Variants in UHRF2 observed in about 807,000 individuals in gnomAD.
UHRF2 encodes E3 ubiquitin-protein ligase UHRF2.
UHRF2 carries 23 observed loss-of-function variants against 96.8 expected under a neutral mutation model. The ratio of observed to expected loss-of-function variants is 0.24; its 90% confidence interval spans 0.17 to 0.34. The LOEUF is 0.34. Ranked by LOEUF, UHRF2 falls within the 10% of genes least tolerant of loss-of-function variation. UHRF2 has a pLI of 1.00. For synonymous variants in UHRF2, 385 were observed against 332.6 expected, an observed-to-expected ratio of 1.16 and a Z score of -1.72; for missense variants, 685 against 981.5, an observed-to-expected ratio of 0.70 and a Z score of 4.04.
At chr9:6,473,499 G>A (rs963876934) in intron 4 of UHRF2, among the ~76,000 whole-genome samples, 2 of 152,138 alleles carry the variant, frequency 1.3e-5, no homozygotes, top group Non-Finnish European at 2.9e-5. Context: ...AATCCCCAAA[G>A]AATTAATGTA....
intron 2 of UHRF2, chr9:6,422,632 C>T (rs1396814869): frequency 3.3e-5 from 21 of 635,694 alleles, no homozygotes; most frequent in Non-Finnish European, 5.6e-5. Context: ...TTTTTTGAGA[C>T]AGGGTCTGGC....
At chr9:6,497,507 G>C (rs949662682) in intron 11 of UHRF2, 147 bp downstream of exon 11, 35 of 877,918 alleles carry the variant, frequency 4.0e-5, no homozygotes, top group Non-Finnish European at 6.0e-5. Flanking sequence ...GATGCATAAA[G>C]CAAACTCTTA....
At chr9:6,456,232 C>A (rs1265420728) in intron 3 of UHRF2, among the ~76,000 whole-genome samples, 1 of 152,134 alleles carries the variant, frequency 6.6e-6, no homozygotes, top group Non-Finnish European at 1.5e-5. Context: ...GCCATTCTAA[C>A]TGGCGTGATA....
intron 12 of UHRF2, chr9:6,498,918 C>G (rs897830699): frequency 6.6e-6 from 1 of 152,234 alleles, no homozygotes; most frequent in African/African-American, 2.4e-5. Flanking sequence ...GTCTGACCAC[C>G]CAGGCAGGTG....
At chr9:6,423,229 T>G (rs2130729928) in intron 2 of UHRF2, among the ~76,000 whole-genome samples, 1 of 152,310 alleles carries the variant, frequency 6.6e-6, no homozygotes, top group East Asian at 1.9e-4. Flanking sequence ...AGTACCAGGC[T>G]TGGATGGCTG....
At chr9:6,456,789 A>G (rs778214788) in intron 3 of UHRF2, among the ~76,000 whole-genome samples, 1 of 152,182 alleles carries the variant, frequency 6.6e-6, no homozygotes, top group Non-Finnish European at 1.5e-5. Context: ...TTAAATAGGG[A>G]ATCCTTTCCC....
rs564434278 is a variant in UHRF2 at position 6,468,523 on chromosome 9, C to T, written c.864-6868C>T. ...AGGTAGCTTTGTAGTTGTGTTTTGC[C>T]CCTAGGGAATCTGCTAATTCTGGAT... On this transcript the variant is annotated intron_variant, in intron 4 of 15. Coordinates refer to ENST00000276893, the MANE Select transcript of UHRF2 (RefSeq NM_152896.3). The T allele has an allele frequency of 1.2e-4, 55 of 455,958 alleles. 1 individual carries two copies. The highest frequency in any genetic ancestry group is 8.1e-4 in the South Asian group (52 of 64,552). The allele number at this position is 455,958 out of a possible 1,614,324, so 28.2% of individuals were successfully genotyped here.
At chr9:6,498,737 C>G (rs975776367) in intron 12 of UHRF2, 1 of 152,506 alleles carries the variant, frequency 6.6e-6, no homozygotes, top group African/African-American at 2.4e-5. Context: ...TGCATTAATC[C>G]CTTCACTGCC....
chr9:6,467,667 G>T (rs1451218823), intron 4 of UHRF2, among the ~76,000 whole-genome samples: 1 of 148,420 alleles, frequency 6.7e-6, no homozygotes, highest in Non-Finnish European at 1.5e-5. Flanking sequence ...TTGCTGTTGG[G>T]CTGACAGAAG....
At chr9:6,458,012 T>C (rs7874062) in intron 3 of UHRF2, among the ~76,000 whole-genome samples, 4,027 of 152,238 alleles carry the variant, frequency 0.026, 185 homozygotes, top group African/African-American at 0.093. Flanking sequence ...CAGGATGATG[T>C]TGGCCTCATA....
At chr9:6,446,534 G>T (rs1821515706) in intron 3 of UHRF2, among the ~76,000 whole-genome samples, 1 of 151,952 alleles carries the variant, frequency 6.6e-6, no homozygotes, top group Non-Finnish European at 1.5e-5. Flanking sequence ...GTCTGCCTCA[G>T]CCCCGGTCTA....
intron 3 of UHRF2, among the ~76,000 whole-genome samples, chr9:6,441,584 C>T (rs942882400): frequency 1.3e-5 from 2 of 152,100 alleles, no homozygotes; most frequent in African/African-American, 4.8e-5. Flanking sequence ...CCATTACTAT[C>T]AGGCAACTGC....
intron 5 of UHRF2, among the ~76,000 whole-genome samples, chr9:6,476,633 T>G (rs780809352): frequency 5.9e-5 from 9 of 152,190 alleles, no homozygotes; most frequent in Non-Finnish European, 1.2e-4. Flanking sequence ...TTGCTCTTGT[T>G]GCCCAGGCTG....
intron 4 of UHRF2, among the ~76,000 whole-genome samples, chr9:6,469,445 G>A (rs906978778): frequency 6.6e-5 from 10 of 151,956 alleles, no homozygotes; most frequent in African/African-American, 2.4e-4. Flanking sequence ...CTGAACCTGG[G>A]AGACAGAGGT....
intron 9 of UHRF2, among the ~76,000 whole-genome samples, chr9:6,488,113 T>C (rs533710734): frequency 6.6e-6 from 1 of 151,512 alleles, no homozygotes; most frequent in African/African-American, 2.4e-5. Flanking sequence ...TGTGGTGGCA[T>C]GTGCCTGTAG....
At chr9:6,441,290 C>T (rs1371059121) in intron 3 of UHRF2, among the ~76,000 whole-genome samples, 1 of 151,914 alleles carries the variant, frequency 6.6e-6, no homozygotes, top group Non-Finnish European at 1.5e-5. Flanking sequence ...GGGAGGATGG[C>T]TTGAGCCCAG....
Position 6,446,171 on chromosome 9 carries a change from T to TA in UHRF2, c.644+11998_644+11999insA, listed in dbSNP as rs976771075. On this transcript the variant is annotated intron_variant, in intron 3 of 15. Transcript: ENST00000276893. ...CCTCACCTGGATAATTTTTTTTTTT[T>TA]TATACAGTCTTGCTCTGTCACCAGG... 5.9e-5 allele frequency among the ~76,000 whole-genome samples: 9 copies of TA among 151,388 alleles called. No individual in the cohort carries two copies. The East Asian group carries it at 9.8e-4, about 17-fold the overall frequency.
At chr9:6,505,560 G>A (rs1193857203) in intron 15 of UHRF2, among the ~76,000 whole-genome samples, 2 of 152,226 alleles carry the variant, frequency 1.3e-5, no homozygotes, top group Non-Finnish European at 2.9e-5. Context: ...GCCTCCCAGA[G>A]TACTGGGATA....
At position 6,434,144 on chromosome 9, in the gene UHRF2, A is replaced by G. The variant is rs749106924; in HGVS notation, c.615A>G (p.Glu205=). 4 of 1,614,002 alleles carry G rather than the reference A, an allele frequency of 2.5e-6. No individual in the cohort carries two copies. The South Asian group carries it at 4.4e-5, about 18-fold the overall frequency. The change falls in exon 3 of 16, where the codon GAA becomes GAG. Residue 205 remains glutamate, a synonymous_variant. Transcript: ENST00000276893. The stretch of plus-strand genomic sequence containing the variant: ...ATTCAGACTGTGTTGCTGCTGATGA[A>G]GACGTTATTTACCATATCCAGTATG... ...TSNSDCVAAD[E]DVIYHIQYDE... is the part of the protein sequence containing the mutation.
Sources: allele counts gnomAD v4.1 joint callset (sites outside exome capture counted in the v4.1 genomes callset), GRCh38; gene constraint gnomAD v4.1.1; transcripts MANE v1.5; gene names NCBI Gene and HGNC (gene_info 2026-07-23, HGNC 2026-07-21).